The following PIK3R4 variants were observed in gnomAD, a reference collection of about 807,000 sequenced individuals.
PIK3R4 encodes phosphoinositide 3-kinase regulatory subunit 4.
PIK3R4 carries 46 observed loss-of-function variants against 136.5 expected under a neutral mutation model. The ratio of observed to expected loss-of-function variants is 0.34; its 90% CI spans 0.27 to 0.43. The LOEUF (loss-of-function observed/expected upper bound fraction) is 0.43. Ranked by LOEUF, PIK3R4 falls within the 20% of genes least tolerant of loss-of-function variation. The probability of loss-of-function intolerance (pLI) is 1.00; values close to 1 mark genes in which losing one functional copy is unlikely to be tolerated. For missense variants in PIK3R4, 1,331 were observed against 1,649.5 expected, an observed-to-expected ratio of 0.81 and a Z score of 3.35; for synonymous variants, 557 against 566.7, an observed-to-expected ratio of 0.98 and a Z score of 0.24.
chr3:130,714,073 C>T (rs1260470302), intron 9 of PIK3R4, among the ~76,000 whole-genome samples: 3 of 152,266 alleles, frequency 2.0e-5, no homozygotes, highest in Non-Finnish European at 4.4e-5. Flanking sequence ...ATGATTTTTA[C>T]TGCACATTGA....
At chr3:130,684,457 T>C (rs892387150) in intron 15 of PIK3R4, 76 bp from the exon 16 acceptor site, 51 of 1,292,384 alleles carry the variant, frequency 3.9e-5, no homozygotes, top group African/African-American at 1.9e-4. Context: ...AAATGAAAAA[T>C]AGTATTAGCT....
chr3:130,695,786 T>C (rs1260285186), intron 13 of PIK3R4, among the ~76,000 whole-genome samples: 4 of 152,158 alleles, frequency 2.6e-5, no homozygotes, highest in Non-Finnish European at 2.9e-5. Flanking sequence ...AACCACAGTA[T>C]ACATAAGGTT....
chr3:130,686,395 A>C lies in PIK3R4; in HGVS notation c.3291T>G (p.Cys1097Trp). Residue 1097 changes from cysteine to tryptophan, a missense_variant, in exon 15 of 20, where the codon TGT (cysteine) becomes TGG (tryptophan). Cys to Trp is a radical substitution (Grantham distance 215). Around this residue, in one of 2 missense-constraint regions of PIK3R4, gnomAD observed 1,180 missense variants for 1,407.0 expected, o/e 0.84. Transcript: ENST00000356763. ...SRILDQKEDGCVVDMHHFNSG... is the reference protein window; with the variant it reads ...SRILDQKEDGWVVDMHHFNSG... Reference sequence around the variant, plus strand: ...AGTTGAAGTGATGCATATCCACAACACAACCGTCCTCCTTCTGATCTAGAA... The same window carrying C: ...AGTTGAAGTGATGCATATCCACAACCCAACCGTCCTCCTTCTGATCTAGAA... 6.2e-7 allele frequency: 1 copy of C among 1,611,660 alleles called. No homozygotes were observed. The highest frequency in any genetic ancestry group is 1.3e-5 in the African/African-American group (1 of 75,008).
intron 8 of PIK3R4, among the ~76,000 whole-genome samples, chr3:130,717,410 C>T (rs556162135): frequency 6.6e-6 from 1 of 152,098 alleles, no homozygotes; most frequent in African/African-American, 2.4e-5. Context: ...AATAGAGTAA[C>T]TATTCAAAAG....
intron 13 of PIK3R4, among the ~76,000 whole-genome samples, chr3:130,698,896 T>C (rs1224640406): frequency 6.6e-6 from 1 of 152,242 alleles, no homozygotes; most frequent in Non-Finnish European, 1.5e-5. Context: ...AGTGATCACC[T>C]AATAACTGGC....
chr3:130,686,103 C>G, intron 15 of PIK3R4, 108 bp downstream of exon 15: 1 of 593,668 alleles, frequency 1.7e-6, no homozygotes, highest in South Asian at 2.4e-5. Flanking sequence ...AAAAAAAAGA[C>G]GGGAAAAATT....
chr3:130,686,135 A>G, intron 15 of PIK3R4, 76 bp downstream of exon 15: 1 of 875,332 alleles, frequency 1.1e-6, no homozygotes. Flanking sequence ...AAGAGGAAAA[A>G]ACTGATTTCA....
intron 2 of PIK3R4, among the ~76,000 whole-genome samples, chr3:130,742,365 A>G (rs1433578704): frequency 6.6e-6 from 1 of 152,240 alleles, no homozygotes; most frequent in East Asian, 1.9e-4. Flanking sequence ...CAACCACTGA[A>G]ATTTTAAACC....
Position 130,728,497 on chromosome 3 carries a change from C to G in PIK3R4, c.1773G>C (p.Trp591Cys). The change falls in exon 6 of 20, where the codon TGG (tryptophan) becomes TGC (cysteine). Residue 591 changes from tryptophan (W) to cysteine (C), a missense_variant. Transcript: ENST00000356763. ...MITFLNDKND[W>C]HLRGAFFDSI... ...TATCAAAAAATGCTCCACGTAGATG[C>G]CAATCATTCTTATCATTTAGGAAAG... The G allele has an allele frequency of 6.2e-7, 1 of 1,611,938 alleles. No individual in the cohort carries two copies.
At chr3:130,695,836 G>A (rs1384183735) in intron 13 of PIK3R4, among the ~76,000 whole-genome samples, 2 of 152,092 alleles carry the variant, frequency 1.3e-5, no homozygotes, top group Admixed American at 1.3e-4. Context: ...TAGGGGTCTT[G>A]GATTGTCTCT....
At position 130,690,894 on chromosome 3, in the gene PIK3R4, C is replaced by CTT. The variant is rs1247659280; in HGVS notation, c.3099-242_3099-241dup. Among the ~76,000 whole-genome samples, 316 of 131,836 alleles carry CTT rather than the reference C, an allele frequency of 2.4e-3. 5 individuals are homozygous for CTT. Among genetic ancestry groups the CTT allele is most frequent in the African/African-American group, 7.7e-3 (248 of 32,362 alleles). 86.5% of individuals were successfully genotyped at this position (131,836 alleles called of 152,430 possible). A position where few individuals can be genotyped will look rare whatever the true frequency, so the allele number is the denominator to read the frequency against. ...ATCATAGACTACCCCTCCTTCTCCT[C>CTT]TTTTTTTTTTTTTTTTTTTCTGAGA... is the stretch of plus-strand genomic sequence containing the variant. On this transcript the variant is annotated intron_variant, in intron 13 of 19. Transcript: ENST00000356763.
chr3:130,684,664 C>T (rs1296400441), intron 15 of PIK3R4, among the ~76,000 whole-genome samples: 2 of 152,084 alleles, frequency 1.3e-5, no homozygotes, highest in African/African-American at 2.4e-5. Flanking sequence ...TATTAATTGC[C>T]GAAGGCACCC....
Position 130,733,771 on chromosome 3 carries a change from T to G in PIK3R4, c.1227A>C (p.Leu409Phe). 1 of 1,614,156 alleles carries G rather than the reference T, an allele frequency of 6.2e-7. No homozygotes were observed. The highest frequency in any genetic ancestry group is 8.5e-7 in the Non-Finnish European group (1 of 1,179,978). ...TACGATCCAAAAGGATTTCAACACT[T>G]AATCTTGGAGCCAAATGAAGAATCA... ...LELILHLAPR[L>F]SVEILLDRIT... Residue 409 changes from leucine (L) to phenylalanine (F), a missense_variant, in exon 4 of 20, where the codon TTA becomes TTC. Leu to Phe is a conservative substitution (Grantham distance 22). Around this residue, in one of 2 missense-constraint regions of PIK3R4, gnomAD observed 1,180 missense variants for 1,407.0 expected, o/e 0.84. Transcript: ENST00000356763.
intron 9 of PIK3R4, among the ~76,000 whole-genome samples, chr3:130,716,132 T>C (rs1444239448): frequency 6.6e-6 from 1 of 152,238 alleles, no homozygotes; most frequent in Non-Finnish European, 1.5e-5. Flanking sequence ...TGTCTTTCCC[T>C]CATTTATTTA....
At chr3:130,708,201 G>C in intron 10 of PIK3R4, 90 bp downstream of exon 10, 1 of 1,024,678 alleles carries the variant, frequency 9.8e-7, no homozygotes, top group Non-Finnish European at 1.5e-6. Context: ...GTGAAATGGG[G>C]CTTTTTATTT....
At chr3:130,718,263 ATATAAACAT>A in intron 8 of PIK3R4, 117 bp downstream of exon 8, 1 of 773,610 alleles carries the variant, frequency 1.3e-6, no homozygotes, top group Non-Finnish European at 2.1e-6. Context: ...CTTGAAAGGA[ATATAAACAT>A]GCTATAGCCC....
At position 130,690,603 on chromosome 3, in the gene PIK3R4, G is replaced by A. The variant is rs1268587560; in HGVS notation, c.3150C>T (p.Phe1050=). 1.2e-6 allele frequency: 2 copies of A among 1,610,572 alleles called. No individual in the cohort carries two copies. The highest frequency in any genetic ancestry group is 1.7e-5 in the Admixed American group (1 of 59,956). The change falls in exon 14 of 20, where the codon TTC becomes TTT. Residue 1050 remains phenylalanine, a synonymous_variant. Transcript: ENST00000356763. ...TGGCTAAATAGTGGGAGCCTTGGCA[G>A]AATGTGAGCGTCTTGACTCGTCCTC... The part of the protein sequence containing the change: ...RIGGRVKTLT[F]CQGSHYLAIA...
chr3:130,714,685 G>C (rs2066652643), intron 9 of PIK3R4, among the ~76,000 whole-genome samples: 1 of 143,882 alleles, frequency 7.0e-6, no homozygotes, highest in African/African-American at 2.6e-5. Flanking sequence ...TCCCACTTAT[G>C]AATGAGAACA....
intron 7 of PIK3R4, among the ~76,000 whole-genome samples, chr3:130,719,438 T>C (rs2066686221): frequency 6.6e-6 from 1 of 152,182 alleles, no homozygotes; most frequent in Non-Finnish European, 1.5e-5. Flanking sequence ...ATAATACTTA[T>C]ATTAACAGGG....
Sources: gnomAD v4.1 joint callset for allele counts (sites outside exome capture counted in the v4.1 genomes callset) on GRCh38, gnomAD v4.1.1 for gene constraint, gnomAD v4.1.1 regional missense constraint, MANE v1.5 for transcripts, NCBI Gene and HGNC (gene_info 2026-07-23, HGNC 2026-07-21) for gene names.